SMTNL1: variants seen among roughly 807,000 people sequenced by gnomAD.
The protein encoded by SMTNL1 is smoothelin like 1, also known as smoothelin-like protein 1.
In SMTNL1, 41 loss-of-function variants were observed where a neutral mutation model predicts 46.6. The ratio of observed to expected loss-of-function variants is 0.88; its 90% CI spans 0.69 to 1.14. SMTNL1 has a LOEUF of 1.14. Ranked by LOEUF, SMTNL1 falls within the 50% of genes most tolerant of loss-of-function variation. The pLI is 0.00. For synonymous variants in SMTNL1, 234 were observed against 234.2 expected (o/e 1.00, Z 0.01); for missense variants, 591 against 626.1 (o/e 0.94, Z 0.60).
intron 1 of SMTNL1, among the ~76,000 whole-genome samples, chr11:57,539,176 C>T (rs879430281): frequency 4.6e-5 from 7 of 151,876 alleles, no homozygotes; most frequent in Non-Finnish European, 1.0e-4. Context: ...TAGCGAGACC[C>T]CATCTCTATA....
intron 1 of SMTNL1, 93 bp from the exon 2 acceptor site, chr11:57,542,548 T>C (rs1440269097): frequency 6.9e-7 from 1 of 1,439,034 alleles, no homozygotes; most frequent in Non-Finnish European, 9.3e-7. Flanking sequence ...AACCACGGAC[T>C]TCCTGACTCC....
At chr11:57,539,924 A>T (rs1160681969) in intron 1 of SMTNL1, among the ~76,000 whole-genome samples, 1 of 152,228 alleles carries the variant, frequency 6.6e-6, no homozygotes, top group East Asian at 1.9e-4. Flanking sequence ...CTGAGATCCC[A>T]TCACAGGAAG....
At chr11:57,538,089 T>C (rs2135259044) in intron 1 of SMTNL1, among the ~76,000 whole-genome samples, 1 of 152,224 alleles carries the variant, frequency 6.6e-6, no homozygotes, top group Non-Finnish European at 1.5e-5. Context: ...TGTTAACGTA[T>C]TTTACATGTG....
At chr11:57,539,259 A>C (rs1297689601) in intron 1 of SMTNL1, among the ~76,000 whole-genome samples, 1 of 152,170 alleles carries the variant, frequency 6.6e-6, no homozygotes, top group African/African-American at 2.4e-5. Flanking sequence ...CAGGAGGCTG[A>C]GGTGGGAAGA....
chr11:57,550,249 A>G lies in SMTNL1; in HGVS notation c.*137A>G. 3 of 887,738 alleles carry G rather than the reference A, an allele frequency of 3.4e-6. No individual in the cohort carries two copies. Among genetic ancestry groups the G allele is most frequent in the Non-Finnish European group, 5.1e-6 (3 of 590,112 alleles). The allele number at this position is 887,738 out of a possible 1,614,324, so 55.0% of individuals were successfully genotyped here. On this transcript the variant is annotated 3_prime_UTR_variant, in exon 8 of 8. Transcript: ENST00000527972. ...GGTGTGTGGCGTTGGTTTTAACTGC[A>G]TTAAAAGTACTTTTGTAAAATCCTG...
intron 7 of SMTNL1, 45 bp downstream of exon 7, chr11:57,546,697 C>T (rs370697622): frequency 8.9e-5 from 142 of 1,589,358 alleles, no homozygotes; most frequent in African/African-American, 2.4e-4. Flanking sequence ...GGAGCCTAGG[C>T]GAGGACTGGA....
intron 3 of SMTNL1, 26 bp from the exon 4 acceptor site, chr11:57,543,843 C>T: frequency 6.3e-7 from 1 of 1,580,272 alleles, no homozygotes; most frequent in Non-Finnish European, 8.6e-7. Context: ...GCCCCAGCTT[C>T]CCTCCCTCCT....
At chr11:57,545,813 GC>G in intron 4 of SMTNL1, 67 bp from the exon 5 acceptor site, 1 of 841,716 alleles carries the variant, frequency 1.2e-6, no homozygotes, top group Non-Finnish European at 1.8e-6. Context: ...CAGCCCCACA[GC>G]CCCCTCCCTG....
At position 57,543,634 on chromosome 11, in the gene SMTNL1, G is replaced by C; in HGVS notation, c.743G>C (p.Ser248Thr). 2 of 1,607,868 alleles carry C rather than the reference G, an allele frequency of 1.2e-6. No individual in the cohort carries two copies. The highest frequency in any genetic ancestry group is 1.7e-6 in the Non-Finnish European group (2 of 1,177,584). ...TCATGCTCATTCCAGGAGCCAGGCA[G>C]TCCCAGCGAAGAGCAGGAGCAGGAC... The part of the protein sequence containing the change: ...AEDAEEAEPG[S>T]PSEEQEQDVE... The change falls in exon 3 of 8, where the codon AGT becomes ACT. Residue 248 changes from serine (S) to threonine (T), a missense_variant. Physicochemically the swap from Ser to Thr is moderately conservative, Grantham distance 58 (BLOSUM62 1). Transcript: ENST00000527972.
chr11:57,546,152 G>A, intron 5 of SMTNL1, 81 bp from the exon 6 acceptor site: 2 of 1,503,810 alleles, frequency 1.3e-6, no homozygotes, highest in Non-Finnish European at 1.8e-6. Flanking sequence ...ACTGACACCT[G>A]GGGGCTGGGG....
chr11:57,545,581 G>A (rs1944914923), intron 4 of SMTNL1, among the ~76,000 whole-genome samples: 1 of 150,124 alleles, frequency 6.7e-6, no homozygotes, highest in Non-Finnish European at 1.5e-5. Context: ...CTCCAGCCTG[G>A]GCAACAAGAG....
Position 57,545,988 on chromosome 11 carries a change from G to A in SMTNL1, c.1025G>A (p.Arg342Gln), listed in dbSNP as rs200048710. 87 of 1,605,112 alleles carry A rather than the reference G, an allele frequency of 5.4e-5. No homozygotes were observed. The highest frequency in any genetic ancestry group is 1.1e-4 in the South Asian group (10 of 90,264). The change falls in exon 5 of 8, where the codon CGG (arginine) becomes CAG (glutamine). Residue 342 changes from arginine to glutamine, a missense_variant. Physicochemically the swap from Arg to Gln is conservative, Grantham distance 43 (BLOSUM62 1). Transcript: ENST00000527972. ...ERRVSAPARP[R>Q]GPRAQNRKAI... ...AGGGTATCAGCCCCTGCTCGGCCCCGGGGGCCCCGGGCACAGAACCGCAAA... is the reference window on the plus strand; with the variant it reads ...AGGGTATCAGCCCCTGCTCGGCCCCAGGGGCCCCGGGCACAGAACCGCAAA...
chr11:57,538,675 A>G (rs1565153325), intron 1 of SMTNL1, among the ~76,000 whole-genome samples: 4 of 152,188 alleles, frequency 2.6e-5, no homozygotes. Context: ...GGATACTTGG[A>G]TTCTAGATAG....
At chr11:57,545,301 C>A (rs1590803548) in intron 4 of SMTNL1, among the ~76,000 whole-genome samples, 1 of 152,066 alleles carries the variant, frequency 6.6e-6, no homozygotes, top group Non-Finnish European at 1.5e-5. Flanking sequence ...CAAGATCACA[C>A]AGCAAATAAG....
In SMTNL1 at chr11:57,549,925, T is replaced by G. The variant is rs774258949; in HGVS notation, c.1341-43T>G. On this transcript the variant is annotated intron_variant, in intron 7 of 7. Transcript: ENST00000527972. Reference sequence around the variant, plus strand: ...ACCCATCCCCTTGGCTCCCATATCCTTCACCTTTGACCTTCTGCTCCTCAT... The same window carrying G: ...ACCCATCCCCTTGGCTCCCATATCCGTCACCTTTGACCTTCTGCTCCTCAT... 3 of 1,608,332 alleles carry G rather than the reference T, an allele frequency of 1.9e-6. No homozygotes were observed. In the East Asian group the frequency reaches 6.7e-5, roughly 36 times the overall value.
intron 4 of SMTNL1, 76 bp from the exon 5 acceptor site, chr11:57,545,805 G>A: frequency 8.2e-6 from 6 of 729,886 alleles, no homozygotes; most frequent in Non-Finnish European, 1.3e-5. Flanking sequence ...CCACCCTCCA[G>A]CCCCACAGCC....
intron 2 of SMTNL1, 30 bp downstream of exon 2, chr11:57,543,404 C>A (rs1164006282): frequency 1.3e-6 from 2 of 1,597,614 alleles, no homozygotes; most frequent in Admixed American, 3.4e-5. Context: ...AGCAAGGAGG[C>A]TCTGTCGTCT....
chr11:57,550,234 G>C lies in SMTNL1; in HGVS notation c.*122G>C. 9.1e-7 allele frequency: 1 copy of C among 1,095,092 alleles called. No homozygotes were observed. Among genetic ancestry groups the C allele is most frequent in the Non-Finnish European group, 1.3e-6 (1 of 775,352 alleles). 67.8% of individuals were successfully genotyped at this position (1,095,092 alleles called of 1,614,324 possible). Reference sequence around the variant, plus strand: ...AGGGGCTTAGGCAAGGGTGTGTGGCGTTGGTTTTAACTGCATTAAAAGTAC... The same window carrying C: ...AGGGGCTTAGGCAAGGGTGTGTGGCCTTGGTTTTAACTGCATTAAAAGTAC... On this transcript the variant is annotated 3_prime_UTR_variant, in exon 8 of 8. Coordinates refer to ENST00000527972, the MANE Select transcript of SMTNL1 (RefSeq NM_001105565.3).
intron 1 of SMTNL1, chr11:57,541,661 C>A: frequency 8.6e-7 from 1 of 1,168,294 alleles, no homozygotes; most frequent in Non-Finnish European, 1.1e-6. Context: ...GACCAGTTGG[C>A]CCTGGGGTTC....
Sources: gnomAD v4.1 joint callset for allele counts (sites outside exome capture counted in the v4.1 genomes callset) on GRCh38, gnomAD v4.1.1 for gene constraint, MANE v1.5 for transcripts, NCBI Gene and HGNC (gene_info 2026-07-23, HGNC 2026-07-21) for gene names.